DLG2: variants seen among roughly 807,000 people sequenced by gnomAD.
DLG2 encodes the protein disks large homolog 2.
A neutral mutation model predicts 132.5 loss-of-function variants in DLG2; 45 were observed. The ratio of observed to expected loss-of-function variants is 0.34; its 90% CI spans 0.27 to 0.44. The LOEUF (loss-of-function observed/expected upper bound fraction) is 0.44. DLG2 is among the 20% of genes least tolerant of loss of function. DLG2 has a pLI of 1.00. For missense variants in DLG2, 1,045 were observed against 1,196.9 expected, an observed-to-expected ratio of 0.87 and a Z score of 1.87; for synonymous variants, 424 against 419.6, an observed-to-expected ratio of 1.01 and a Z score of -0.13.
chr11:84,227,684 G>T (rs980149667), intron 8 of DLG2, among the ~76,000 whole-genome samples: 1 of 152,078 alleles, frequency 6.6e-6, no homozygotes, highest in African/African-American at 2.4e-5. Context: ...CACTTTGGGA[G>T]GCCAATGTAG....
chr11:84,208,187 T>C (rs1311816287), intron 8 of DLG2, among the ~76,000 whole-genome samples: 1 of 152,104 alleles, frequency 6.6e-6, no homozygotes, highest in Non-Finnish European at 1.5e-5. Flanking sequence ...GACTTACAAT[T>C]TTGTTCCATT....
intron 5 of DLG2, among the ~76,000 whole-genome samples, chr11:85,120,692 A>G (rs1170947391): frequency 1.3e-5 from 2 of 152,088 alleles, no homozygotes. Flanking sequence ...TAAAAAAATT[A>G]ATACTTTATG....
At chr11:85,348,156 T>C (rs2082999723) in intron 3 of DLG2, among the ~76,000 whole-genome samples, 2 of 151,130 alleles carry the variant, frequency 1.3e-5, no homozygotes, top group African/African-American at 4.9e-5. Flanking sequence ...CAGCTAATTT[T>C]TGTACTTTTT....
At chr11:85,004,504 C>A (rs577149672) in intron 6 of DLG2, among the ~76,000 whole-genome samples, 20 of 152,178 alleles carry the variant, frequency 1.3e-4, no homozygotes, top group Non-Finnish European at 2.4e-4. Flanking sequence ...GTTTGTTGGC[C>A]ACATCAGTGT....
chr11:85,154,861 C>T (rs1659344269), intron 4 of DLG2, among the ~76,000 whole-genome samples: 1 of 152,064 alleles, frequency 6.6e-6, no homozygotes, highest in Admixed American at 6.6e-5. Context: ...TATTCAAAGG[C>T]CAATTTTAAA....
intron 18 of DLG2, among the ~76,000 whole-genome samples, chr11:83,750,282 T>C (rs2093216889): frequency 6.6e-6 from 1 of 152,296 alleles, no homozygotes; most frequent in South Asian, 2.1e-4. Context: ...GTTGTTATTC[T>C]GTGACTGAGG....
At chr11:83,568,708 C>A (rs2096749408) in intron 19 of DLG2, among the ~76,000 whole-genome samples, 1 of 152,072 alleles carries the variant, frequency 6.6e-6, no homozygotes, top group Non-Finnish European at 1.5e-5. Context: ...TGATAATGGT[C>A]AGTGGTGACA....
At chr11:85,564,174 T>C (rs543848791) in intron 3 of DLG2, among the ~76,000 whole-genome samples, 2 of 152,252 alleles carry the variant, frequency 1.3e-5, no homozygotes, top group South Asian at 2.1e-4. Context: ...TTGTCAGATG[T>C]ATACATCACA....
At chr11:84,936,675 T>C (rs2048786702) in intron 6 of DLG2, 1 of 152,180 alleles carries the variant, frequency 6.6e-6, no homozygotes, top group Non-Finnish European at 1.5e-5. Flanking sequence ...GTTTTAATTG[T>C]CTTTTTCTGT....
chr11:83,675,581 A>C (rs1354091728), intron 18 of DLG2, among the ~76,000 whole-genome samples: 2 of 152,222 alleles, frequency 1.3e-5, no homozygotes, highest in East Asian at 3.8e-4. Flanking sequence ...GATTGACTCC[A>C]AATCTGTATC....
chr11:84,730,079 G>C (rs1259985357), intron 6 of DLG2, among the ~76,000 whole-genome samples: 2 of 151,934 alleles, frequency 1.3e-5, no homozygotes, highest in African/African-American at 4.8e-5. Context: ...CACCACCTCT[G>C]AGAATATTCT....
intron 7 of DLG2, among the ~76,000 whole-genome samples, chr11:84,468,313 A>C (rs2099099909): frequency 6.6e-6 from 1 of 151,448 alleles, no homozygotes; most frequent in South Asian, 2.1e-4. Flanking sequence ...CATGTGTGTT[A>C]ATTGGATCTT....
intron 6 of DLG2, among the ~76,000 whole-genome samples, chr11:85,016,248 C>G (rs1450444299): frequency 6.6e-6 from 1 of 152,078 alleles, no homozygotes; most frequent in Non-Finnish European, 1.5e-5. Flanking sequence ...GTAAGCTTTA[C>G]TCAGGATAGC....
chr11:84,923,320 A>G, intron 6 of DLG2: 8 of 1,362,962 alleles, frequency 5.9e-6, no homozygotes, highest in Non-Finnish European at 7.6e-6. Flanking sequence ...TTCATTGGCT[A>G]TATATAGCAT....
chr11:83,543,075 A>C (rs898579103), intron 19 of DLG2, among the ~76,000 whole-genome samples: 5 of 152,192 alleles, frequency 3.3e-5, no homozygotes, highest in African/African-American at 1.2e-4. Flanking sequence ...AGCTGAAGAC[A>C]GCATCTAGAG....
chr11:84,487,977 A>C (rs1363856645), intron 7 of DLG2, among the ~76,000 whole-genome samples: 1 of 152,144 alleles, frequency 6.6e-6, no homozygotes, highest in Admixed American at 6.6e-5. Flanking sequence ...TCAGAGGTAG[A>C]ATTGGATCAA....
intron 11 of DLG2, among the ~76,000 whole-genome samples, chr11:84,007,209 G>T (rs971369525): frequency 1.3e-5 from 2 of 151,584 alleles, no homozygotes; most frequent in Non-Finnish European, 3.0e-5. Flanking sequence ...ACAACAGAGG[G>T]CTTACTCATT....
chr11:85,198,920 C>A (rs528340663), intron 4 of DLG2, among the ~76,000 whole-genome samples: 2 of 152,112 alleles, frequency 1.3e-5, no homozygotes, highest in Non-Finnish European at 2.9e-5. Flanking sequence ...GCCAAAAGTT[C>A]CTCTGTTATC....
At chr11:85,081,262 G>A (rs2067193437) in intron 6 of DLG2, among the ~76,000 whole-genome samples, 1 of 152,158 alleles carries the variant, frequency 6.6e-6, no homozygotes, top group Admixed American at 6.5e-5. Flanking sequence ...CCGGCATCAT[G>A]AGTAAACTCT....
Sources: gnomAD v4.1 joint callset for allele counts (sites outside exome capture counted in the v4.1 genomes callset) on GRCh38, gnomAD v4.1.1 for gene constraint, MANE v1.5 for transcripts, NCBI Gene and HGNC (gene_info 2026-07-23, HGNC 2026-07-21) for gene names.